TRIM14: variants seen among roughly 807,000 people sequenced by gnomAD.
TRIM14 encodes the protein tripartite motif containing 14.
A neutral mutation model predicts 44.5 loss-of-function variants in TRIM14; 28 were observed. The ratio of observed to expected loss-of-function variants is 0.63; its 90% CI spans 0.47 to 0.86. The LOEUF is 0.86. Ranked by LOEUF, TRIM14 falls within the 40% of genes least tolerant of loss-of-function variation. The probability of loss-of-function intolerance (pLI) is 0.00; values close to 1 mark genes in which losing one functional copy is unlikely to be tolerated. For synonymous variants in TRIM14, 299 were observed against 269.2 expected (o/e 1.11, Z -1.08); for missense variants, 607 against 611.1 (o/e 0.99, Z 0.07).
intron 5 of TRIM14, among the ~76,000 whole-genome samples, chr9:98,090,855 T>G (rs966539753): frequency 6.6e-6 from 1 of 152,224 alleles, no homozygotes; most frequent in Non-Finnish European, 1.5e-5. Flanking sequence ...TGAGCCACCG[T>G]GCTCGGCCTT....
chr9:98,051,835 A>G, the TRIM14 span, among the ~76,000 whole-genome samples: 1 of 151,998 alleles, frequency 6.6e-6, no homozygotes, highest in Non-Finnish European at 1.5e-5. Flanking sequence ...AAGGCAACCC[A>G]AAGCCAATCA....
At position 98,088,937 on chromosome 9, in the gene TRIM14, T is replaced by G. The variant is rs545157623; in HGVS notation, c.794-932A>C. Among the ~76,000 whole-genome samples, 9 of 152,288 alleles carry G rather than the reference T, an allele frequency of 5.9e-5. No individual in the cohort carries two copies. The South Asian group carries it at 1.5e-3, about 25-fold the overall frequency. On this transcript the variant is annotated intron_variant, in intron 5 of 5. Transcript: ENST00000341469. ...TTTTTTTGTTGTTGTTGTTGTTGTTTTTTAAGTCTGGATCACAGGGTATGT... is the reference window on the plus strand; with the variant it reads ...TTTTTTTGTTGTTGTTGTTGTTGTTGTTTAAGTCTGGATCACAGGGTATGT...
intron 2 of TRIM14, among the ~76,000 whole-genome samples, chr9:98,100,468 T>C (rs983117748): frequency 6.6e-6 from 1 of 152,216 alleles, no homozygotes; most frequent in Non-Finnish European, 1.5e-5. Context: ...ACTATTTGTC[T>C]CTAAATTAGT....
the TRIM14 span, among the ~76,000 whole-genome samples, chr9:98,042,857 A>T: frequency 6.6e-6 from 1 of 151,482 alleles, no homozygotes; most frequent in South Asian, 2.1e-4. Context: ...AGACAGAGCG[A>T]GACTCTACCT....
the TRIM14 span, among the ~76,000 whole-genome samples, chr9:98,051,242 C>T: frequency 2.0e-5 from 3 of 152,124 alleles, no homozygotes; most frequent in African/African-American, 4.8e-5. Context: ...GAGTATTCTC[C>T]TTATCCAGGG....
chr9:98,113,774 G>C (rs1826946572), intron 1 of TRIM14, among the ~76,000 whole-genome samples: 1 of 152,236 alleles, frequency 6.6e-6, no homozygotes, highest in African/African-American at 2.4e-5. Flanking sequence ...GGGAGAGTTT[G>C]TCCCATGCTG....
intron 3 of TRIM14, among the ~76,000 whole-genome samples, chr9:98,099,011 A>G (rs992968602): frequency 1.3e-5 from 2 of 152,010 alleles, no homozygotes; most frequent in Non-Finnish European, 2.9e-5. Flanking sequence ...GCCTCAAGTG[A>G]TCTGCCACAG....
chr9:98,046,423 G>A, the TRIM14 span, among the ~76,000 whole-genome samples: 11 of 152,018 alleles, frequency 7.2e-5, no homozygotes, highest in African/African-American at 2.2e-4. Flanking sequence ...CTGTTGATAT[G>A]CAGAAGAGTT....
chr9:98,096,212 A>G (rs1337527828), intron 3 of TRIM14, among the ~76,000 whole-genome samples: 1 of 152,108 alleles, frequency 6.6e-6, no homozygotes, highest in Non-Finnish European at 1.5e-5. Context: ...CATGCTGTAC[A>G]TTGGGAGGGG....
the TRIM14 span, among the ~76,000 whole-genome samples, chr9:98,042,785 A>T: frequency 1.3e-5 from 2 of 151,606 alleles, no homozygotes; most frequent in Non-Finnish European, 1.5e-5. Flanking sequence ...CAGAAGAATC[A>T]CTTGAACCTG....
At chr9:98,076,938 T>C in intron 6 of TRIM14, 3 of 1,612,170 alleles carry the variant, frequency 1.9e-6, no homozygotes, top group Non-Finnish European at 2.5e-6. Context: ...AATTCCTGCA[T>C]GAACTGAATG....
chr9:98,059,314 C>T, the TRIM14 span, among the ~76,000 whole-genome samples: 10 of 152,316 alleles, frequency 6.6e-5, no homozygotes, highest in African/African-American at 1.4e-4. Flanking sequence ...TGAGCCACTG[C>T]GCCCGGCAGC....
chr9:98,104,527 G>A (rs1038280634), intron 2 of TRIM14, among the ~76,000 whole-genome samples: 1 of 152,194 alleles, frequency 6.6e-6, no homozygotes, highest in African/African-American at 2.4e-5. Flanking sequence ...AAGGGGTAGA[G>A]AGAGAGAGGG....
chr9:98,118,957 C>G lies in TRIM14; in HGVS notation c.207+25G>C, dbSNP rs1039560559. 4.0e-6 allele frequency: 6 copies of G among 1,491,176 alleles called. No homozygotes were observed. The South Asian group carries it at 5.1e-5, about 13-fold the overall frequency. 92.4% of individuals were successfully genotyped at this position (1,491,176 alleles called of 1,614,324 possible). Reference sequence around the variant, plus strand: ...GCTGGCTCCCCCAACTCCCGCGCGGCGAACCCCGTCCCCATCGTCCCCACC... The same window carrying G: ...GCTGGCTCCCCCAACTCCCGCGCGGGGAACCCCGTCCCCATCGTCCCCACC... On this transcript the variant is annotated intron_variant, in intron 1 of 5. Coordinates refer to ENST00000341469, the MANE Select transcript of TRIM14 (RefSeq NM_014788.4).
intron 6 of TRIM14, among the ~76,000 whole-genome samples, chr9:98,069,938 A>G (rs1829263065): frequency 6.6e-6 from 1 of 152,174 alleles, no homozygotes; most frequent in African/African-American, 2.4e-5. Flanking sequence ...AGATTGGTTG[A>G]CTTTGTCAAT....
the TRIM14 span, chr9:98,056,691 T>C: frequency 7.0e-7 from 1 of 1,437,280 alleles, no homozygotes; most frequent in Non-Finnish European, 9.2e-7. Flanking sequence ...GACCGCGGGC[T>C]GACGTGGCGG....
intron 2 of TRIM14, among the ~76,000 whole-genome samples, chr9:98,105,093 C>A (rs1366377933): frequency 6.6e-6 from 1 of 152,198 alleles, no homozygotes; most frequent in African/African-American, 2.4e-5. Flanking sequence ...TGGCAGGGTC[C>A]CCATCTTTTT....
rs530564636 is a variant in TRIM14 at position 98,071,049 on chromosome 9, A to G, written c.*29-1362T>C. ...GCTGGTCTTAAACTCTGGGCCTCAA[A>G]CAGTCTCCCACCTCGGCCTCCCAAA... On this transcript the variant is annotated intron_variant, in intron 6 of 6. Transcript: ENST00000375098. Among the ~76,000 whole-genome samples the G allele has an allele frequency of 3.3e-5, 5 of 151,820 alleles. No individual in the cohort carries two copies. In the East Asian group the frequency reaches 9.9e-4, roughly 30 times the overall value.
chr9:98,098,750 C>T (rs942125345), intron 3 of TRIM14, among the ~76,000 whole-genome samples: 1 of 152,002 alleles, frequency 6.6e-6, no homozygotes, highest in African/African-American at 2.4e-5. Flanking sequence ...CAACAACATG[C>T]TTTCTCTAAA....
Sources: allele counts gnomAD v4.1 joint callset (sites outside exome capture counted in the v4.1 genomes callset), GRCh38; gene constraint gnomAD v4.1.1; transcripts MANE v1.5; gene names NCBI Gene and HGNC (gene_info 2026-07-23, HGNC 2026-07-21).